Variants in TMTC4 observed in about 807,000 individuals in gnomAD.
TMTC4 encodes the protein transmembrane O-mannosyltransferase targeting cadherins 4, also known as protein O-mannosyl-transferase TMTC4.
TMTC4 carries 65 observed loss-of-function variants against 86.0 expected under a neutral mutation model. That is an observed-to-expected ratio of 0.76 (90% CI 0.62 to 0.93). TMTC4 has a LOEUF of 0.93. Among genes scored for constraint, TMTC4 ranks in the 40% least tolerant of loss-of-function variants. TMTC4 has a pLI of 0.00. For missense variants in TMTC4, 866 were observed against 948.1 expected, an observed-to-expected ratio of 0.91 and a Z score of 1.14; for synonymous variants, 379 against 382.5, an observed-to-expected ratio of 0.99 and a Z score of 0.11.
intron 15 of TMTC4, among the ~76,000 whole-genome samples, chr13:100,615,409 G>C (rs1465590333): frequency 6.6e-6 from 1 of 151,518 alleles, no homozygotes; most frequent in East Asian, 2.0e-4. Flanking sequence ...CCGAAGTGCT[G>C]GGATTACAGG....
chr13:100,632,531 G>A (rs192303013), intron 12 of TMTC4, among the ~76,000 whole-genome samples: 1 of 152,216 alleles, frequency 6.6e-6, no homozygotes, highest in Non-Finnish European at 1.5e-5. Context: ...TAAATCACAG[G>A]CAATTTATTT....
intron 15 of TMTC4, among the ~76,000 whole-genome samples, chr13:100,618,265 A>G (rs888116565): frequency 3.3e-5 from 5 of 152,116 alleles, no homozygotes; most frequent in Non-Finnish European, 5.9e-5. Flanking sequence ...TAGGTGTCGA[A>G]TCACACCGTC....
intron 6 of TMTC4, among the ~76,000 whole-genome samples, chr13:100,654,204 T>C (rs958075535): frequency 1.3e-5 from 2 of 152,218 alleles, no homozygotes; most frequent in African/African-American, 4.8e-5. Context: ...AAGCTTTCTA[T>C]GGAAGCCACA....
chr13:100,657,307 T>A (rs180928959), intron 5 of TMTC4, among the ~76,000 whole-genome samples: 8 of 152,352 alleles, frequency 5.3e-5, no homozygotes, highest in Non-Finnish European at 7.3e-5. Context: ...TGCTCTTTTT[T>A]CTTCCCTTCA....
chr13:100,673,135 C>T (rs1340737024), intron 1 of TMTC4: 1 of 162,384 alleles, frequency 6.2e-6, no homozygotes, highest in Admixed American at 6.5e-5. Flanking sequence ...TCTCAAACTT[C>T]TCATATCGAG....
chr13:100,661,751 A>G (rs377100775), intron 5 of TMTC4, among the ~76,000 whole-genome samples: 15 of 152,374 alleles, frequency 9.8e-5, no homozygotes, highest in African/African-American at 3.4e-4. Context: ...ACTGAAGAAT[A>G]GACAATTTAC....
In TMTC4 at chr13:100,625,675, G is replaced by C. The variant is rs1005131071; in HGVS notation, c.1696C>G (p.Pro566Ala). Residue 566 changes from proline to alanine, a missense_variant and splice_region_variant, in exon 15 of 19, where the codon CCA becomes GCA. Pro to Ala is a conservative substitution (Grantham distance 27). Transcript: ENST00000342624. ...TTCATCCACGCAGCGGCAAAGTCTG[G>C]CCTAGAGGAGCAGTTTTAACAAAGA... ...ELLSLAVQIQ[P>A]DFAAAWMNLG... The C allele has an allele frequency of 1.2e-5, 19 of 1,613,708 alleles. No homozygotes were observed. Among genetic ancestry groups the C allele is most frequent in the Non-Finnish European group, 1.5e-5 (18 of 1,179,794 alleles).
chr13:100,653,098 C>T (rs1884652274), intron 6 of TMTC4, among the ~76,000 whole-genome samples: 1 of 152,162 alleles, frequency 6.6e-6, no homozygotes, highest in South Asian at 2.1e-4. Context: ...TAATTTGCAG[C>T]AAGTTTTCTC....
chr13:100,662,840 ACTTTCTCC>A, intron 5 of TMTC4, 116 bp downstream of exon 5: 1 of 950,790 alleles, frequency 1.1e-6, no homozygotes, highest in Non-Finnish European at 1.6e-6. Context: ...TGTGGAGTAG[ACTTTCTCC>A]AGCTCTGGAA....
chr13:100,647,317 C>T (rs2786941), intron 6 of TMTC4, among the ~76,000 whole-genome samples: 142,927 of 152,312 alleles, frequency 0.94, 67,714 homozygotes, highest in East Asian at 1. Flanking sequence ...AGACCCAGCA[C>T]GAGGAGATGG....
At chr13:100,615,263 G>A (rs933741179) in intron 15 of TMTC4, among the ~76,000 whole-genome samples, 3 of 149,766 alleles carry the variant, frequency 2.0e-5, no homozygotes, top group African/African-American at 7.4e-5. Context: ...TCAGCCTTCT[G>A]AGTAGCTGGG....
intron 6 of TMTC4, among the ~76,000 whole-genome samples, chr13:100,643,631 A>C (rs866055269): frequency 1.3e-5 from 2 of 152,218 alleles, no homozygotes; most frequent in African/African-American, 2.4e-5. Context: ...TTTTAATCTT[A>C]CTTTTCATTA....
rs548811729 is a variant in TMTC4, at chr13:100,613,175, TG to T, written c.1952-666del. Among the ~76,000 whole-genome samples the T allele has an allele frequency of 5.3e-5, 8 of 152,334 alleles. No homozygotes were observed. In the South Asian group the frequency reaches 1.7e-3, roughly 32 times the overall value. ...TAACTACAGTCACCCTACTGTGCAG[TG>T]GAACACTAGAACTGACTCCTATCTG... On this transcript the variant is annotated intron_variant, in intron 16 of 18. Transcript: ENST00000342624.
intron 6 of TMTC4, among the ~76,000 whole-genome samples, chr13:100,652,004 C>T (rs1884517878): frequency 6.6e-6 from 1 of 152,162 alleles, no homozygotes; most frequent in South Asian, 2.1e-4. Context: ...GTGTTTACCA[C>T]TCAGCTTTTT....
Position 100,616,847 on chromosome 13 carries a change from C to T in TMTC4, c.1837-2417G>A, listed in dbSNP as rs115764306. Among the ~76,000 whole-genome samples, 317 of 152,190 alleles carry T rather than the reference C, an allele frequency of 2.1e-3. 1 individual carries two copies. Among genetic ancestry groups the T allele is most frequent in the African/African-American group, 7.4e-3 (306 of 41,532 alleles). ...GAGAAGTGTCTGGTCACGCCTTTTGCCCACTTTTTAATGGGGCTGTTTTTT... is the reference window on the plus strand; with the variant it reads ...GAGAAGTGTCTGGTCACGCCTTTTGTCCACTTTTTAATGGGGCTGTTTTTT... On this transcript the variant is annotated intron_variant, in intron 15 of 18. Transcript: ENST00000342624.
rs761443711 is a variant in TMTC4, at chr13:100,637,951, T to G, written c.813A>C (p.Leu271=). The part of the protein sequence containing the change: ...FNVLEIVQKV[L]HKDKSLENLG... ...TCACCTCTAATGACTTGTCCTTATG[T>G]AGTACCTTCTGGACAATTTCCAGAA... The change falls in exon 8 of 19, where the codon CTA becomes CTC. Residue 271 remains leucine (L), a synonymous_variant. Coordinates refer to ENST00000342624, the MANE Select transcript of TMTC4 (RefSeq NM_032813.5). 40 of 1,613,894 alleles carry G rather than the reference T, an allele frequency of 2.5e-5. No individual in the cohort carries two copies. The highest frequency in any genetic ancestry group is 2.9e-5 in the Non-Finnish European group (34 of 1,179,814).
Position 100,660,294 on chromosome 13 carries a change from G to A in TMTC4, c.552+2670C>T, listed in dbSNP as rs555568431. Among the ~76,000 whole-genome samples the A allele has an allele frequency of 6.1e-5, 9 of 147,234 alleles. No individual in the cohort carries two copies. The South Asian group carries it at 6.4e-4, about 11-fold the overall frequency. Reference sequence around the variant, plus strand: ...TGCAGTGAGCCAAGATTGTGCCACCGCACTCCAGCCCAGGTGACAGAGTGA... The same window carrying A: ...TGCAGTGAGCCAAGATTGTGCCACCACACTCCAGCCCAGGTGACAGAGTGA... On this transcript the variant is annotated intron_variant, in intron 5 of 18. Transcript: ENST00000342624.
intron 18 of TMTC4, 84 bp downstream of exon 18, chr13:100,606,274 T>G (rs1442772162): frequency 1.7e-6 from 2 of 1,200,248 alleles, no homozygotes; most frequent in East Asian, 4.8e-5. Context: ...AAAACTACTC[T>G]CCCAACATTA....
In TMTC4 at chr13:100,606,315, G is replaced by A. The variant is rs1202608838; in HGVS notation, c.2134+43C>T. The A allele has an allele frequency of 1.9e-6, 3 of 1,561,208 alleles. No individual in the cohort carries two copies. In the African/African-American group the frequency reaches 4.1e-5, roughly 21 times the overall value. On this transcript the variant is annotated intron_variant, in intron 18 of 18. Coordinates refer to ENST00000342624, the MANE Select transcript of TMTC4 (RefSeq NM_032813.5). Reference sequence around the variant, plus strand: ...ATAGACATGCACCCACTTCATTAAAGTAACAAAATTTCAACACGATTCAAG... The same window carrying A: ...ATAGACATGCACCCACTTCATTAAAATAACAAAATTTCAACACGATTCAAG...
Sources: gnomAD v4.1 joint callset for allele counts (sites outside exome capture counted in the v4.1 genomes callset) on GRCh38, gnomAD v4.1.1 for gene constraint, MANE v1.5 for transcripts, NCBI Gene and HGNC (gene_info 2026-07-23, HGNC 2026-07-21) for gene names.